Variants in GPBP1L1 observed in about 807,000 individuals in gnomAD.
GPBP1L1 encodes the protein vasculin-like protein 1.
Under a neutral mutation model 52.5 loss-of-function variants are expected in GPBP1L1, and 23 were observed. The observed-to-expected ratio is 0.44, with a 90% CI of 0.32 to 0.62. GPBP1L1 has a LOEUF of 0.62. Among genes scored for constraint, GPBP1L1 ranks in the 20% least tolerant of loss-of-function variants. The pLI is 0.06. For missense variants in GPBP1L1, 596 were observed against 579.3 expected, an observed-to-expected ratio of 1.03 and a Z score of -0.30; for synonymous variants, 243 against 203.1, an observed-to-expected ratio of 1.20 and a Z score of -1.67.
chr1:45,673,941 G>A lies in GPBP1L1; in HGVS notation c.-1098+11635C>T, dbSNP rs115250433. Among the ~76,000 whole-genome samples the A allele has an allele frequency of 4.2e-3, 640 of 152,278 alleles. 1 individual carries two copies. Among genetic ancestry groups the A allele is most frequent in the South Asian group, 7.7e-3 (37 of 4,828 alleles). On this transcript the variant is annotated intron_variant, in intron 2 of 12. Coordinates refer to ENST00000355105, the MANE Select transcript of GPBP1L1 (RefSeq NM_021639.5). ...TCAAAAGTCAATGAAAGCCAGGCAC[G>A]GTGGCCCAGGCTTGTAATTCCAGCT...
At chr1:45,686,119 C>A (rs1185116438) in intron 1 of GPBP1L1, among the ~76,000 whole-genome samples, 3 of 152,246 alleles carry the variant, frequency 2.0e-5, no homozygotes, top group Non-Finnish European at 4.4e-5. Flanking sequence ...AGCCAAAGAG[C>A]CGCAGGTGAG....
chr1:45,681,984 G>C (rs1343350687), intron 2 of GPBP1L1, among the ~76,000 whole-genome samples: 1 of 152,140 alleles, frequency 6.6e-6, no homozygotes, highest in Non-Finnish European at 1.5e-5. Flanking sequence ...TATATCTCTT[G>C]TAGAAGGGTT....
chr1:45,646,906 C>T (rs900371435), intron 6 of GPBP1L1, among the ~76,000 whole-genome samples: 4 of 151,828 alleles, frequency 2.6e-5, no homozygotes, highest in African/African-American at 7.3e-5. Flanking sequence ...TTTCTGGGGG[C>T]GGGGTGGGAA....
chr1:45,660,465 A>G lies in GPBP1L1; in HGVS notation c.-337T>C, dbSNP rs3841061. The G allele has an allele frequency of 1.0e-6, 1 of 972,590 alleles. No individual in the cohort carries two copies. Among genetic ancestry groups the G allele is most frequent in the Non-Finnish European group, 1.2e-6 (1 of 818,536 alleles). 60.2% of individuals were successfully genotyped at this position (972,590 alleles called of 1,614,324 possible). A position where few individuals can be genotyped will look rare whatever the true frequency, so the allele number is the denominator to read the frequency against. ...ATTTGTTACATTTAAAAAGGGGGGG[A>G]AGGGGAAAGAGCTGTATCTATGTTC... On this transcript the variant is annotated 5_prime_UTR_variant, in exon 3 of 13. Transcript: ENST00000355105.
intron 6 of GPBP1L1, among the ~76,000 whole-genome samples, chr1:45,647,772 A>G (rs116601392): frequency 0.025 from 3,838 of 152,160 alleles, 165 homozygotes; most frequent in African/African-American, 0.088. Flanking sequence ...GAAGCACATC[A>G]GCAATTACTC....
intron 6 of GPBP1L1, among the ~76,000 whole-genome samples, chr1:45,645,107 C>G (rs983291756): frequency 6.6e-6 from 1 of 152,212 alleles, no homozygotes; most frequent in Non-Finnish European, 1.5e-5. Flanking sequence ...TGCTACAACC[C>G]TAAGTAGTTC....
intron 9 of GPBP1L1, 189 bp from the exon 10 acceptor site, chr1:45,633,836 A>G (rs1557694866): frequency 7.4e-6 from 5 of 671,754 alleles, no homozygotes; most frequent in Non-Finnish European, 1.2e-5. Flanking sequence ...CAGCTGGCTT[A>G]CATGGCACCT....
At chr1:45,659,257 T>C in intron 3 of GPBP1L1, 115 bp from the exon 4 acceptor site, 1 of 625,018 alleles carries the variant, frequency 1.6e-6, no homozygotes, top group Non-Finnish European at 2.7e-6. Flanking sequence ...CCTCTGAGCC[T>C]GTCTACAGAT....
At chr1:45,648,991 T>C (rs1389804901) in intron 6 of GPBP1L1, among the ~76,000 whole-genome samples, 2 of 152,184 alleles carry the variant, frequency 1.3e-5, no homozygotes, top group African/African-American at 2.4e-5. Flanking sequence ...GATCGCGCCA[T>C]TGCACTCCAG....
intron 6 of GPBP1L1, among the ~76,000 whole-genome samples, chr1:45,653,439 TCA>T (rs1311709040): frequency 1.3e-5 from 2 of 152,100 alleles, no homozygotes; most frequent in African/African-American, 4.8e-5. Context: ...CACTGCAGCC[TCA>T]AACTCCTGGG....
intron 2 of GPBP1L1, among the ~76,000 whole-genome samples, chr1:45,665,665 C>T (rs191849789): frequency 0.011 from 1,569 of 149,044 alleles, 27 homozygotes; most frequent in African/African-American, 0.037. Flanking sequence ...CGCTTGAAAC[C>T]GGGAGGCGGA....
In GPBP1L1 at chr1:45,628,030, T is replaced by G; in HGVS notation, c.*226A>C. ...TATGTGTGTGTGTGTGTGAGTGTGT[T>G]TAAAAAATCTGTCCCACCACACAAA... On this transcript the variant is annotated 3_prime_UTR_variant, in exon 13 of 13. Transcript: ENST00000355105. The G allele has an allele frequency of 2.0e-6, 1 of 494,358 alleles. No homozygotes were observed. Among genetic ancestry groups the G allele is most frequent in the Non-Finnish European group, 3.7e-6 (1 of 272,200 alleles). The allele number at this position is 494,358 out of a possible 1,614,324, so 30.6% of individuals were successfully genotyped here.
rs761944510 is a variant in GPBP1L1, at chr1:45,640,315, T to G, written c.639A>C (p.Ala213=). Residue 213 remains alanine, a synonymous_variant, in exon 8 of 13, where the codon GCA becomes GCC. Transcript: ENST00000355105. ...KEDPAAAFSA[A]FTSPGSHHAN... ...CATGGTGAGATCCTGGTGAGGTGAA[T>G]GCAGCAGAGAAGGCAGCAGCAGGAT... 1.2e-6 allele frequency: 2 copies of G among 1,614,126 alleles called. No homozygotes were observed. Among genetic ancestry groups the G allele is most frequent in the South Asian group, 2.2e-5 (2 of 91,088 alleles).
upstream of GPBP1L1, chr1:45,687,142 C>T (rs149470022): frequency 5.3e-5 from 8 of 152,260 alleles, no homozygotes; most frequent in South Asian, 4.1e-4. Context: ...GCGGCTGCGT[C>T]GGCCGCGCTA....
chr1:45,628,595 C>T (rs1431125953), intron 12 of GPBP1L1, among the ~76,000 whole-genome samples, 187 bp from the exon 13 acceptor site: 4 of 152,164 alleles, frequency 2.6e-5, no homozygotes, highest in South Asian at 2.1e-4. Context: ...GAGTCATCTA[C>T]GCATCTTTCA....
intron 2 of GPBP1L1, among the ~76,000 whole-genome samples, chr1:45,663,066 C>CAAAAAAAAAAAAAA (rs1644966043): frequency 8.0e-5 from 8 of 100,438 alleles, no homozygotes; most frequent in African/African-American, 7.0e-5. Flanking sequence ...AAAAAAAAAG[C>CAAAAAAAAAAAAAA]AAAAAACCCC....
rs1047237446 is a variant in GPBP1L1, at chr1:45,655,266, A to C, written c.114T>G (p.Gly38=). The C allele has an allele frequency of 6.2e-7, 1 of 1,614,060 alleles. No homozygotes were observed. Among genetic ancestry groups the C allele is most frequent in the Admixed American group, 1.7e-5 (1 of 60,012 alleles). The change falls in exon 5 of 13, where the codon GGT becomes GGG. Residue 38 remains glycine (G), a synonymous_variant. Transcript: ENST00000355105. ...GTCGACGGCGGCTTACTCCAAATCT[A>C]CCTTCTCCTCTGGGTAGGTGCTCTC... ...KHGEHLPRGE[G]RFGVSRRRHN... is the part of the protein sequence containing the mutation.
intron 7 of GPBP1L1, among the ~76,000 whole-genome samples, chr1:45,641,440 A>G (rs575046674): frequency 2.0e-5 from 3 of 151,426 alleles, no homozygotes; most frequent in Middle Eastern, 3.4e-3. Flanking sequence ...ACAAACATAT[A>G]TATACACACA....
At chr1:45,681,006 A>G (rs1444011651) in intron 2 of GPBP1L1, among the ~76,000 whole-genome samples, 1 of 152,134 alleles carries the variant, frequency 6.6e-6, no homozygotes, top group Non-Finnish European at 1.5e-5. Context: ...AAAACCCATG[A>G]TACTTGGCTC....
Sources: gnomAD v4.1 joint callset for allele counts (sites outside exome capture counted in the v4.1 genomes callset) on GRCh38, gnomAD v4.1.1 for gene constraint, MANE v1.5 for transcripts, NCBI Gene and HGNC (gene_info 2026-07-23, HGNC 2026-07-21) for gene names.